Variants in ZCCHC14 observed in about 807,000 individuals in gnomAD.
The protein encoded by ZCCHC14 is zinc finger CCHC-type containing 14, also known as zinc finger CCHC domain-containing protein 14.
A neutral mutation model predicts 85.0 loss-of-function variants in ZCCHC14; 16 were observed. The ratio of observed to expected loss-of-function variants is 0.19; its 90% CI spans 0.13 to 0.29. The LOEUF (loss-of-function observed/expected upper bound fraction) is 0.29. Among genes scored for constraint, ZCCHC14 ranks in the 10% least tolerant of loss-of-function variants. ZCCHC14 has a pLI of 1.00. For synonymous variants in ZCCHC14, 775 were observed against 630.7 expected (o/e 1.23, Z -3.43); for missense variants, 1,303 against 1,443.5 (o/e 0.90, Z 1.58).
At position 87,410,142 on chromosome 16, in the gene ZCCHC14, T is replaced by C. The variant is rs1250868328; in HGVS notation, c.*138A>G. 1.8e-6 allele frequency: 1 copy of C among 549,704 alleles called. No individual in the cohort carries two copies. The highest frequency in any genetic ancestry group is 3.3e-6 in the Non-Finnish European group (1 of 306,806). The allele number at this position is 549,704 out of a possible 1,614,324, so 34.1% of individuals were successfully genotyped here. On this transcript the variant is annotated 3_prime_UTR_variant, in exon 13 of 13. Transcript: ENST00000671377. Reference sequence around the variant, plus strand: ...AGTTTGATGCACTTCTACGCTAGATTTTCTATCCAGTCTAGGAAAAGTAAA... The same window carrying C: ...AGTTTGATGCACTTCTACGCTAGATCTTCTATCCAGTCTAGGAAAAGTAAA...
At chr16:87,456,272 T>C (rs1170885509) in intron 2 of ZCCHC14, among the ~76,000 whole-genome samples, 3 of 152,144 alleles carry the variant, frequency 2.0e-5, no homozygotes, top group Non-Finnish European at 4.4e-5. Flanking sequence ...GGCTCACGCC[T>C]GTAATCCCAG....
At chr16:87,410,588 G>A (rs1386054587) in intron 12 of ZCCHC14, among the ~76,000 whole-genome samples, 1 of 152,256 alleles carries the variant, frequency 6.6e-6, no homozygotes, top group Non-Finnish European at 1.5e-5. Flanking sequence ...CTTCCTCTGG[G>A]AGTCAGGCTC....
At chr16:87,483,063 C>G (rs1488694609) in intron 1 of ZCCHC14, among the ~76,000 whole-genome samples, 1 of 151,322 alleles carries the variant, frequency 6.6e-6, no homozygotes, top group African/African-American at 2.4e-5. Context: ...GAAAAGAAAA[C>G]AACTGCATGG....
chr16:87,481,063 G>C (rs965918449), intron 1 of ZCCHC14, among the ~76,000 whole-genome samples: 12 of 152,180 alleles, frequency 7.9e-5, no homozygotes, highest in African/African-American at 2.7e-4. Context: ...CAAGGGAACT[G>C]ATGTCAGAGG....
At chr16:87,479,048 CTT>C in intron 1 of ZCCHC14, among the ~76,000 whole-genome samples, 1 of 152,234 alleles carries the variant, frequency 6.6e-6, no homozygotes. Context: ...ACAGTTTAAT[CTT>C]TTTTCAAGTC....
intron 3 of ZCCHC14, among the ~76,000 whole-genome samples, chr16:87,429,011 A>G (rs1267182314): frequency 2.6e-5 from 4 of 152,236 alleles, no homozygotes; most frequent in Admixed American, 6.5e-5. Flanking sequence ...AAGCTGCTAT[A>G]AACACTCATG....
In ZCCHC14 at chr16:87,461,227, G is replaced by C. The variant is rs367742626; in HGVS notation, c.571-1096C>G. The stretch of plus-strand genomic sequence containing the variant: ...CCACCCCTCCTGCTTCCTGGGTTCA[G>C]TGATGGTGTGAATGTGGAATAAGCC... On this transcript the variant is annotated intron_variant, in intron 1 of 12. Transcript: ENST00000671377. Among the ~76,000 whole-genome samples, 20 of 152,366 alleles carry C rather than the reference G, an allele frequency of 1.3e-4. No individual in the cohort carries two copies. The East Asian group carries it at 1.7e-3, about 13-fold the overall frequency.
chr16:87,439,850 C>T (rs1008982933), intron 2 of ZCCHC14, among the ~76,000 whole-genome samples: 2 of 152,212 alleles, frequency 1.3e-5, no homozygotes, highest in Non-Finnish European at 2.9e-5. Flanking sequence ...TAAATCAAAC[C>T]ACAGGACAAT....
chr16:87,477,076 G>C (rs889311950), intron 1 of ZCCHC14, among the ~76,000 whole-genome samples: 7 of 125,376 alleles, frequency 5.6e-5, no homozygotes, highest in African/African-American at 1.5e-4. Context: ...AGTGAGCCAA[G>C]ATCGCTACAT....
intron 3 of ZCCHC14, among the ~76,000 whole-genome samples, chr16:87,431,734 T>C (rs1909674094): frequency 2.0e-5 from 3 of 152,124 alleles, no homozygotes; most frequent in South Asian, 2.1e-4. Context: ...GACACCGCAA[T>C]GCAAGGAATG....
chr16:87,430,512 C>G (rs1195288168), intron 3 of ZCCHC14, among the ~76,000 whole-genome samples: 1 of 151,708 alleles, frequency 6.6e-6, no homozygotes, highest in African/African-American at 2.4e-5. Context: ...ATCACTTTAA[C>G]TTGATTTCTT....
rs555203909 is a variant in ZCCHC14 at position 87,442,457 on chromosome 16, A to G, written c.695-9256T>C. Among the ~76,000 whole-genome samples, 5 of 152,322 alleles carry G rather than the reference A, an allele frequency of 3.3e-5. No individual in the cohort carries two copies. The East Asian group carries it at 9.6e-4, about 29-fold the overall frequency. Reference sequence around the variant, plus strand: ...CACAGATGCTAGAACTACCAAAGACACAGAAGCAGCTACTGGCACAATGCC... The same window carrying G: ...CACAGATGCTAGAACTACCAAAGACGCAGAAGCAGCTACTGGCACAATGCC... On this transcript the variant is annotated intron_variant, in intron 2 of 12. Transcript: ENST00000671377.
chr16:87,422,336 G>A (rs1040551311), intron 4 of ZCCHC14, among the ~76,000 whole-genome samples: 1 of 152,184 alleles, frequency 6.6e-6, no homozygotes, highest in Non-Finnish European at 1.5e-5. Flanking sequence ...GAGCCGTGGG[G>A]CGGCAGCACC....
intron 1 of ZCCHC14, among the ~76,000 whole-genome samples, chr16:87,462,087 G>A (rs1299060471): frequency 2.7e-5 from 4 of 146,284 alleles, no homozygotes; most frequent in Admixed American, 6.9e-5. Flanking sequence ...GGGTAACAGC[G>A]AGACCCTGTC....
At position 87,417,654 on chromosome 16, in the gene ZCCHC14, G is replaced by A. The variant is rs1322604175; in HGVS notation, c.1189C>T (p.Pro397Ser). ...QHPAGSAAPL[P>S]HCSHAGSAGS... Reference sequence around the variant, plus strand: ...GCGCTGCCCGCATGGGAGCAGTGAGGCAAGGGGGCGGCGGAGCCGGCCGGG... The same window carrying A: ...GCGCTGCCCGCATGGGAGCAGTGAGACAAGGGGGCGGCGGAGCCGGCCGGG... Residue 397 changes from proline (P) to serine (S), a missense_variant, in exon 8 of 13, where the codon CCT becomes TCT. Physicochemically the swap from Pro to Ser is moderately conservative, Grantham distance 74 (BLOSUM62 -1). Transcript: ENST00000671377. 1.9e-6 allele frequency: 3 copies of A among 1,613,286 alleles called. No homozygotes were observed. The highest frequency in any genetic ancestry group is 2.5e-6 in the Non-Finnish European group (3 of 1,179,702).
In ZCCHC14 at chr16:87,420,529, G is replaced by C; in HGVS notation, c.950+78C>G. 8.2e-7 allele frequency: 1 copy of C among 1,217,516 alleles called. No homozygotes were observed. Among genetic ancestry groups the C allele is most frequent in the Non-Finnish European group, 1.2e-6 (1 of 867,854 alleles). The allele number at this position is 1,217,516 out of a possible 1,614,324, so 75.4% of individuals were successfully genotyped here. A position where few individuals can be genotyped will look rare whatever the true frequency, so the allele number is the denominator to read the frequency against. On this transcript the variant is annotated intron_variant, in intron 5 of 12. Transcript: ENST00000671377. The surrounding 1 kb of genome is among the most constrained non-coding windows in gnomAD (Gnocchi z 5.0). Reference sequence around the variant, plus strand: ...CCGCGCATCCTCCCAGAGCTCCTTGGAGGACCACAGCATTGACCACAGGAC... The same window carrying C: ...CCGCGCATCCTCCCAGAGCTCCTTGCAGGACCACAGCATTGACCACAGGAC...
intron 2 of ZCCHC14, among the ~76,000 whole-genome samples, chr16:87,445,451 T>C (rs891864266): frequency 2.0e-5 from 3 of 152,224 alleles, no homozygotes; most frequent in African/African-American, 4.8e-5. Context: ...GCTTATTTTT[T>C]TCATTGGAGA....
In ZCCHC14 at chr16:87,491,711, G is replaced by T; in HGVS notation, c.528C>A (p.Pro176=). The change falls in exon 1 of 13, where the codon CCC becomes CCA. Residue 176 remains proline, a synonymous_variant. Coordinates refer to ENST00000671377, the MANE Select transcript of ZCCHC14 (RefSeq NM_015144.3). The surrounding 1 kb of genome is among the most constrained non-coding windows in gnomAD (Gnocchi z 5.9). ...GGGGHGGKGA[P]GPGGALPTCP... ...AAGTGGGCAGCGCGCCGCCCGGCCC[G>T]GGCGCGCCCTTGCCGCCGTGGCCCC... is the stretch of plus-strand genomic sequence containing the variant. 6.6e-7 allele frequency: 1 copy of T among 1,521,068 alleles called. No individual in the cohort carries two copies. The highest frequency in any genetic ancestry group is 2.6e-5 in the East Asian group (1 of 38,118). The allele number at this position is 1,521,068 out of a possible 1,614,324, so 94.2% of individuals were successfully genotyped here.
At chr16:87,431,242 G>C (rs1478483921) in intron 3 of ZCCHC14, among the ~76,000 whole-genome samples, 1 of 152,114 alleles carries the variant, frequency 6.6e-6, no homozygotes, top group Non-Finnish European at 1.5e-5. Flanking sequence ...GGGAGGCCGA[G>C]GCGGGTGGAT....
Sources: allele counts gnomAD v4.1 joint callset (sites outside exome capture counted in the v4.1 genomes callset), GRCh38; gene constraint gnomAD v4.1.1; non-coding constraint Gnocchi (gnomAD v3.1); transcripts MANE v1.5; gene names NCBI Gene and HGNC (gene_info 2026-07-23, HGNC 2026-07-21).